The following TRIM38 variants were observed in gnomAD, a reference collection of about 807,000 sequenced individuals.
TRIM38 encodes tripartite motif containing 38.
In TRIM38, 35 loss-of-function variants were observed where a neutral mutation model predicts 35.8. The observed-to-expected ratio is 0.98, with a 90% CI of 0.75 to 1.30. The LOEUF (loss-of-function observed/expected upper bound fraction) is 1.30. TRIM38 is among the 50% of genes most tolerant of loss of function. The probability of loss-of-function intolerance (pLI) is 0.00; values close to 1 mark genes in which losing one functional copy is unlikely to be tolerated. For synonymous variants in TRIM38, 198 were observed against 204.7 expected, an observed-to-expected ratio of 0.97 and a Z score of 0.28; for missense variants, 545 against 556.9, an observed-to-expected ratio of 0.98 and a Z score of 0.21.
intron 7 of TRIM38, among the ~76,000 whole-genome samples, chr6:25,982,545 C>T (rs59611422): frequency 6.6e-6 from 1 of 152,184 alleles, no homozygotes; most frequent in Non-Finnish European, 1.5e-5. Flanking sequence ...GTAGCCCCCA[C>T]GGCCTGGTGT....
intron 4 of TRIM38, among the ~76,000 whole-genome samples, chr6:25,970,481 C>T (rs1001850796): frequency 6.6e-6 from 1 of 152,162 alleles, no homozygotes; most frequent in East Asian, 1.9e-4. Context: ...CCAATTTTCT[C>T]TCTTTCAGGA....
At chr6:25,967,052 C>A in intron 3 of TRIM38, 119 bp downstream of exon 3, 2 of 1,102,640 alleles carry the variant, frequency 1.8e-6, no homozygotes, top group Non-Finnish European at 1.3e-6. Context: ...TTCATCATGT[C>A]ATTCTTCTGA....
chr6:25,974,070 T>C (rs941113595), intron 7 of TRIM38, among the ~76,000 whole-genome samples: 13 of 152,230 alleles, frequency 8.5e-5, no homozygotes, highest in African/African-American at 2.4e-4. Flanking sequence ...AACACTGATA[T>C]GTTATCTCAA....
intron 2 of TRIM38, among the ~76,000 whole-genome samples, chr6:25,965,709 A>G (rs547599072): frequency 1.1e-5 from 1 of 90,200 alleles, no homozygotes; most frequent in South Asian, 3.3e-4. Flanking sequence ...GTGGATCACA[A>G]GGTCAAGAGA....
Position 25,983,716 on chromosome 6 carries a change from C to G in TRIM38, c.*29C>G. ...AAAGAGCAGAAGCTCCTTGGTTTAA[C>G]CAGCACAGAGAAAATAATATAAATC... On this transcript the variant is annotated 3_prime_UTR_variant, in exon 8 of 8. Transcript: ENST00000357085. The G allele has an allele frequency of 6.6e-7, 1 of 1,526,284 alleles. No individual in the cohort carries two copies. Among genetic ancestry groups the G allele is most frequent in the Non-Finnish European group, 8.8e-7 (1 of 1,142,590 alleles). The allele number at this position is 1,526,284 out of a possible 1,614,324, so 94.5% of individuals were successfully genotyped here.
Position 25,989,430 on chromosome 6 carries a change from G to A in TRIM38, c.*5743G>A, listed in dbSNP as rs543887661. The A allele has an allele frequency of 2.0e-5, 3 of 150,816 alleles. No homozygotes were observed. The highest frequency in any genetic ancestry group is 4.4e-5 in the Non-Finnish European group (3 of 67,698). 9.3% of individuals were successfully genotyped at this position (150,816 alleles called of 1,614,324 possible). A position where few individuals can be genotyped will look rare whatever the true frequency, so the allele number is the denominator to read the frequency against. On this transcript the variant is annotated 3_prime_UTR_variant, in exon 8 of 8. Transcript: ENST00000357085. Reference sequence around the variant, plus strand: ...AATTTGGCAATCTCATATCACGAGAGTACTCTAAAGCTAAATAAATTACAG... The same window carrying A: ...AATTTGGCAATCTCATATCACGAGAATACTCTAAAGCTAAATAAATTACAG...
chr6:25,964,899 C>G (rs9379813), intron 2 of TRIM38, among the ~76,000 whole-genome samples: 3 of 151,960 alleles, frequency 2.0e-5, no homozygotes, highest in Non-Finnish European at 2.9e-5. Flanking sequence ...GCAACCTCCC[C>G]CTCCGGAGCT....
In TRIM38 at chr6:25,966,978, C is replaced by A. The variant is rs1760079636; in HGVS notation, c.411+45C>A. The stretch of plus-strand genomic sequence containing the variant: ...AGCTTTGGTAAGTACCAAGTCTTAT[C>A]CTGCTCCCCAGGAGCTGAGATGATT... On this transcript the variant is annotated intron_variant, in intron 3 of 7. Transcript: ENST00000357085. 4 of 1,526,790 alleles carry A rather than the reference C, an allele frequency of 2.6e-6. No individual in the cohort carries two copies. In the Middle Eastern group the frequency reaches 7.1e-4, roughly 270 times the overall value. 94.6% of individuals were successfully genotyped at this position (1,526,790 alleles called of 1,614,324 possible).
In TRIM38 at chr6:25,969,190, T is replaced by A; in HGVS notation, c.412-135T>A. 4.6e-6 allele frequency: 3 copies of A among 647,412 alleles called. No homozygotes were observed. The East Asian group carries it at 8.5e-5, about 18-fold the overall frequency. The allele number at this position is 647,412 out of a possible 1,614,324, so 40.1% of individuals were successfully genotyped here. On this transcript the variant is annotated intron_variant, in intron 3 of 7. Coordinates refer to ENST00000357085, the MANE Select transcript of TRIM38 (RefSeq NM_006355.5). ...CCTGCACATATAGCCTTTAGCATGC[T>A]CTCTAGCAAAAAACAATGAGGACTC...
chr6:25,965,234 C>A (rs887035554), intron 2 of TRIM38, among the ~76,000 whole-genome samples: 3 of 152,188 alleles, frequency 2.0e-5, no homozygotes, highest in East Asian at 1.9e-4. Flanking sequence ...TCCAAGGTAA[C>A]TTTCTGTGAT....
rs1760817592 is a variant in TRIM38, at chr6:25,991,095, C to G, written c.*7408C>G. ...CTTCTCTTTCCCCTTTGTCTTGTGTCTCCTTGGGTCTCTTTTCTCCAAGAC... is the reference window on the plus strand; with the variant it reads ...CTTCTCTTTCCCCTTTGTCTTGTGTGTCCTTGGGTCTCTTTTCTCCAAGAC... On this transcript the variant is annotated 3_prime_UTR_variant, in exon 8 of 8. Transcript: ENST00000357085. 1.3e-5 allele frequency: 2 copies of G among 152,264 alleles called. No homozygotes were observed. The highest frequency in any genetic ancestry group is 1.3e-4 in the Admixed American group (2 of 15,276). The allele number at this position is 152,264 out of a possible 1,614,324, so 9.4% of individuals were successfully genotyped here.
chr6:25,967,878 C>T (rs1016383307), intron 3 of TRIM38, among the ~76,000 whole-genome samples: 12 of 152,000 alleles, frequency 7.9e-5, no homozygotes, highest in Admixed American at 7.2e-4. Context: ...AAAATTCAAA[C>T]TATCCGTATA....
At chr6:25,965,891 G>A (rs1760020904) in intron 2 of TRIM38, among the ~76,000 whole-genome samples, 1 of 151,330 alleles carries the variant, frequency 6.6e-6, no homozygotes, top group African/African-American at 2.4e-5. Flanking sequence ...CTGCACTCCA[G>A]CCTGGGTGAC....
At chr6:25,966,993 CTGAGA>C (rs1257256263) in intron 3 of TRIM38, 60 bp downstream of exon 3, 2 of 1,489,852 alleles carry the variant, frequency 1.3e-6, no homozygotes, top group Non-Finnish European at 1.8e-6. Context: ...TCCCCAGGAG[CTGAGA>C]TGATTTAACT....
chr6:25,980,897 G>T (rs895215821), intron 7 of TRIM38, among the ~76,000 whole-genome samples: 1 of 152,100 alleles, frequency 6.6e-6, no homozygotes, highest in Non-Finnish European at 1.5e-5. Context: ...CTCTTAAGTG[G>T]TATTACCACC....
Position 25,989,181 on chromosome 6 carries a change from C to T in TRIM38, c.*5494C>T, listed in dbSNP as rs1760788913. 6.6e-6 allele frequency: 1 copy of T among 152,210 alleles called. No homozygotes were observed. Among genetic ancestry groups the T allele is most frequent in the African/African-American group, 2.4e-5 (1 of 41,476 alleles). The allele number at this position is 152,210 out of a possible 1,614,324, so 9.4% of individuals were successfully genotyped here. A position where few individuals can be genotyped will look rare whatever the true frequency, so the allele number is the denominator to read the frequency against. On this transcript the variant is annotated 3_prime_UTR_variant, in exon 8 of 8. Coordinates refer to ENST00000357085, the MANE Select transcript of TRIM38 (RefSeq NM_006355.5). ...AAGCATCTTTTCATATGCATACTTGCATCTGTGTATCTTCTTTGGTGAACA... is the reference window on the plus strand; with the variant it reads ...AAGCATCTTTTCATATGCATACTTGTATCTGTGTATCTTCTTTGGTGAACA...
rs1049551093 is a variant in TRIM38 at position 25,987,888 on chromosome 6, T to A, written c.*4201T>A. 14 of 152,164 alleles carry A rather than the reference T, an allele frequency of 9.2e-5. No homozygotes were observed. The highest frequency in any genetic ancestry group is 8.5e-4 in the Admixed American group (13 of 15,270). 9.4% of individuals were successfully genotyped at this position (152,164 alleles called of 1,614,324 possible). On this transcript the variant is annotated 3_prime_UTR_variant, in exon 8 of 8. Transcript: ENST00000357085. ...TCTATCAACTAATCTTTTGACTGTG[T>A]CCATAGTTACTGTCTTTTCTAGAGT...
At chr6:25,967,465 G>A in intron 3 of TRIM38, among the ~76,000 whole-genome samples, 1 of 151,036 alleles carries the variant, frequency 6.6e-6, no homozygotes. Context: ...CCTATTGGGG[G>A]ATTTTCATTT....
intron 4 of TRIM38, among the ~76,000 whole-genome samples, chr6:25,971,169 C>G (rs1447501907): frequency 6.6e-6 from 1 of 152,188 alleles, no homozygotes; most frequent in East Asian, 1.9e-4. Flanking sequence ...TCTTTTTATC[C>G]TTGTAACTGA....
Sources: gnomAD v4.1 joint callset for allele counts (sites outside exome capture counted in the v4.1 genomes callset) on GRCh38, gnomAD v4.1.1 for gene constraint, MANE v1.5 for transcripts, NCBI Gene and HGNC (gene_info 2026-07-23, HGNC 2026-07-21) for gene names.